The following OTOA variants were observed in gnomAD, a reference collection of about 807,000 sequenced individuals.
OTOA encodes cancer/testis antigen 108.
OTOA carries 70 observed loss-of-function variants against 110.8 expected under a neutral mutation model. The ratio of observed to expected loss-of-function variants is 0.63; its 90% CI spans 0.52 to 0.77. The LOEUF is 0.77. Ranked by LOEUF, OTOA falls within the 30% of genes least tolerant of loss-of-function variation. The pLI is 0.00. For missense variants in OTOA, 917 were observed against 1,075.8 expected (o/e 0.85, Z 2.06); for synonymous variants, 373 against 431.5 (o/e 0.86, Z 1.68).
At chr16:21,714,735 T>C (rs1898496133) in intron 13 of OTOA, among the ~76,000 whole-genome samples, 1 of 152,078 alleles carries the variant, frequency 6.6e-6, no homozygotes. Flanking sequence ...GGTCTCGAAC[T>C]CTTGACCTCA....
At position 21,672,924 on chromosome 16, in the gene OTOA, G is replaced by T. The variant is rs533064048; in HGVS notation, c.-4-5587G>T. Among the ~76,000 whole-genome samples the T allele has an allele frequency of 2.6e-5, 4 of 152,238 alleles. No homozygotes were observed. In the East Asian group the frequency reaches 7.7e-4, roughly 29 times the overall value. On this transcript the variant is annotated intron_variant, in intron 1 of 28. Transcript: ENST00000646100. ...GCACTTTGGGAGGCCGAGATGGGAG[G>T]ATTGCTTGAGGCCAGGAGTTTGAGA...
At chr16:21,704,944 G>A (rs929150168) in intron 11 of OTOA, 6 of 794,450 alleles carry the variant, frequency 7.6e-6, no homozygotes, top group East Asian at 2.4e-5. Context: ...GCCATGTGGT[G>A]TCCACTTCAT....
At chr16:21,709,776 A>G (rs1898297988) in intron 12 of OTOA, 112 bp from the exon 13 acceptor site, 1 of 960,198 alleles carries the variant, frequency 1.0e-6, no homozygotes, top group Admixed American at 1.9e-5. Flanking sequence ...AAAAGCTTTG[A>G]TGGAACAGGG....
intron 24 of OTOA, among the ~76,000 whole-genome samples, chr16:21,749,392 G>A (rs1899749275): frequency 7.6e-6 from 1 of 131,382 alleles, no homozygotes; most frequent in Non-Finnish European, 1.6e-5. Flanking sequence ...GTTGGGTGTG[G>A]TGGCGGGCGC....
At chr16:21,728,471 G>T (rs1370045933) in intron 20 of OTOA, 40 bp downstream of exon 20, 1 of 1,598,306 alleles carries the variant, frequency 6.3e-7, no homozygotes, top group African/African-American at 1.3e-5. Context: ...GGTGTGGTAT[G>T]CTCTGTGGAG....
intron 10 of OTOA, among the ~76,000 whole-genome samples, chr16:21,698,694 T>C (rs1897991932): frequency 6.6e-6 from 1 of 152,150 alleles, no homozygotes; most frequent in Non-Finnish European, 1.5e-5. Flanking sequence ...TTCTCTCTTT[T>C]ACCTAGGGGG....
At chr16:21,696,067 GTAGTTT>G (rs1226839199) in intron 9 of OTOA, among the ~76,000 whole-genome samples, 3 of 150,920 alleles carry the variant, frequency 2.0e-5, no homozygotes, top group Non-Finnish European at 3.0e-5. Context: ...GCTAATTTTT[GTAGTTT>G]TATTAGAGAT....
chr16:21,724,490 A>G (rs1186572673), intron 18 of OTOA, among the ~76,000 whole-genome samples: 1 of 152,108 alleles, frequency 6.6e-6, no homozygotes. Flanking sequence ...GGGGCTTTGT[A>G]AAGTGAGGTG....
Position 21,730,834 on chromosome 16 carries a change from T to A in OTOA, c.2208-3T>A. ...CACTTTACTGGTTATTATCTCTTTT[T>A]AGACTCCCTCAGCACTGGACAGCCG... On this transcript the variant is annotated splice_polypyrimidine_tract_variant and splice_region_variant and intron_variant, in intron 20 of 28. Transcript: ENST00000646100. 2.0e-6 allele frequency: 3 copies of A among 1,530,846 alleles called. No individual in the cohort carries two copies. The highest frequency in any genetic ancestry group is 2.7e-6 in the Non-Finnish European group (3 of 1,110,928). 94.8% of individuals were successfully genotyped at this position (1,530,846 alleles called of 1,614,324 possible). A position where few individuals can be genotyped will look rare whatever the true frequency, so the allele number is the denominator to read the frequency against.
chr16:21,747,041 T>C (rs1444389214), intron 24 of OTOA, among the ~76,000 whole-genome samples: 2 of 151,844 alleles, frequency 1.3e-5, no homozygotes, highest in Non-Finnish European at 3.0e-5. Flanking sequence ...GTCTGGTACA[T>C]AGTAGTCAAT....
At chr16:21,687,292 A>G in intron 7 of OTOA, 121 bp from the exon 8 acceptor site, 1 of 823,144 alleles carries the variant, frequency 1.2e-6, no homozygotes, top group Admixed American at 1.9e-5. Context: ...GTTTCAACAT[A>G]GCAGCATGGT....
In OTOA at chr16:21,716,681, T is replaced by G. The variant is rs569596008; in HGVS notation, c.1489-226T>G. On this transcript the variant is annotated intron_variant, in intron 14 of 28. Transcript: ENST00000646100. Reference sequence around the variant, plus strand: ...ATAAAGAAATAAGGAGCACGGGTTTTGGAATCAGACAGACTTGGGCTTGAA... The same window carrying G: ...ATAAAGAAATAAGGAGCACGGGTTTGGGAATCAGACAGACTTGGGCTTGAA... 5.9e-5 allele frequency among the ~76,000 whole-genome samples: 9 copies of G among 152,222 alleles called. 1 individual carries two copies. Among genetic ancestry groups the G allele is most frequent in the East Asian group, 3.9e-4 (2 of 5,178 alleles).
chr16:21,687,812 C>T (rs1212218348), intron 8 of OTOA, among the ~76,000 whole-genome samples, 164 bp downstream of exon 8: 1 of 151,726 alleles, frequency 6.6e-6, no homozygotes, highest in Non-Finnish European at 1.5e-5. Flanking sequence ...ACTACAGGGG[C>T]GCCTACCACA....
Position 21,736,255 on chromosome 16 carries a change from A to G in OTOA, c.2302-6A>G, listed in dbSNP as rs376899041. 2.8e-4 allele frequency: 446 copies of G among 1,611,058 alleles called. No individual in the cohort carries two copies. Among genetic ancestry groups the G allele is most frequent in the Non-Finnish European group, 3.6e-4 (426 of 1,177,342 alleles). On this transcript the variant is annotated splice_polypyrimidine_tract_variant and splice_region_variant and intron_variant, in intron 21 of 28. Transcript: ENST00000646100. ...TATTCCTCTTCTTTCATCTTCTTTC[A>G]CACAGTTTCCTGAGATCCTTCTGCA...
At chr16:21,710,867 G>A (rs768059566) in intron 13 of OTOA, among the ~76,000 whole-genome samples, 54 of 152,260 alleles carry the variant, frequency 3.5e-4, no homozygotes, top group Non-Finnish European at 6.5e-4. Context: ...GCTGGGCGTG[G>A]TGGTGCATGC....
chr16:21,680,992 C>T (rs1420871352), intron 5 of OTOA, among the ~76,000 whole-genome samples: 2 of 152,074 alleles, frequency 1.3e-5, no homozygotes, highest in Non-Finnish European at 2.9e-5. Context: ...GAAACTGAGG[C>T]ACAAGAAAAT....
At chr16:21,682,510 G>C (rs1217185416) in intron 6 of OTOA, among the ~76,000 whole-genome samples, 1 of 152,216 alleles carries the variant, frequency 6.6e-6, no homozygotes, top group East Asian at 1.9e-4. Context: ...ATGTACTACT[G>C]TAATGAAAAC....
intron 11 of OTOA, chr16:21,704,868 G>T: frequency 2.6e-6 from 2 of 769,954 alleles, no homozygotes; most frequent in Non-Finnish European, 4.8e-6. Context: ...ATGCTGGGAG[G>T]TGTGATCTGA....
At chr16:21,722,301 A>G (rs2141710050) in intron 17 of OTOA, among the ~76,000 whole-genome samples, 1 of 149,896 alleles carries the variant, frequency 6.7e-6, no homozygotes, top group East Asian at 1.9e-4. Flanking sequence ...AGCTCATACT[A>G]TACATGCTGT....
Sources: gnomAD v4.1 joint callset for allele counts (sites outside exome capture counted in the v4.1 genomes callset) on GRCh38, gnomAD v4.1.1 for gene constraint, MANE v1.5 for transcripts, NCBI Gene and HGNC (gene_info 2026-07-23, HGNC 2026-07-21) for gene names.